FBXO42: variants seen among roughly 807,000 people sequenced by gnomAD.
FBXO42 encodes the protein F-box protein 42.
In FBXO42, 12 loss-of-function variants were observed where a neutral mutation model predicts 71.7. The observed-to-expected ratio is 0.17, with a 90% CI of 0.11 to 0.27. The LOEUF (loss-of-function observed/expected upper bound fraction) is 0.27. Among genes scored for constraint, FBXO42 ranks in the 10% least tolerant of loss-of-function variants. The pLI, the probability that FBXO42 is intolerant of heterozygous loss-of-function variation, is 1.00. For missense variants in FBXO42, 707 were observed against 911.9 expected (o/e 0.78, Z 2.89); for synonymous variants, 325 against 327.5 (o/e 0.99, Z 0.08).
At position 16,286,927 on chromosome 1, in the gene FBXO42, C is replaced by T. The variant is rs1396154924; in HGVS notation, c.502+7856G>A. Among the ~76,000 whole-genome samples the T allele has an allele frequency of 2.0e-5, 3 of 152,178 alleles. No individual in the cohort carries two copies. In the East Asian group the frequency reaches 5.8e-4, roughly 29 times the overall value. ...CTCTATCAAATCCACCCAGTTCTTA[C>T]CTTTTGTGAATACTTTACTCCAAGT... On this transcript the variant is annotated intron_variant, in intron 4 of 9. Transcript: ENST00000375592.
At chr1:16,264,420 A>C (rs2081750051) in intron 4 of FBXO42, among the ~76,000 whole-genome samples, 1 of 152,228 alleles carries the variant, frequency 6.6e-6, no homozygotes, top group Admixed American at 6.5e-5. Context: ...TTTTATACTC[A>C]TTAGGACATT....
At chr1:16,305,014 A>G (rs1322815062) in intron 3 of FBXO42, among the ~76,000 whole-genome samples, 1 of 152,170 alleles carries the variant, frequency 6.6e-6, no homozygotes, top group African/African-American at 2.4e-5. Context: ...TGCCTACAAT[A>G]TATTTAGGCT....
At chr1:16,340,633 G>A (rs1206924468) in intron 1 of FBXO42, among the ~76,000 whole-genome samples, 3 of 151,976 alleles carry the variant, frequency 2.0e-5, no homozygotes, top group Non-Finnish European at 4.4e-5. Flanking sequence ...CTCTACTGAG[G>A]GTTAGGGTTT....
chr1:16,348,113 T>C (rs1415331437), intron 1 of FBXO42, among the ~76,000 whole-genome samples: 1 of 152,166 alleles, frequency 6.6e-6, no homozygotes, highest in African/African-American at 2.4e-5. Context: ...TCCTTGTACA[T>C]GTAGCAAGCT....
chr1:16,253,791 G>C, intron 6 of FBXO42, 60 bp from the exon 7 acceptor site: 3 of 1,475,764 alleles, frequency 2.0e-6, no homozygotes, highest in Non-Finnish European at 2.8e-6. Flanking sequence ...CATAATGGTG[G>C]CTGGGGAGTT....
chr1:16,282,249 A>G (rs1298557869), intron 4 of FBXO42, among the ~76,000 whole-genome samples: 1 of 147,332 alleles, frequency 6.8e-6, no homozygotes, highest in Non-Finnish European at 1.5e-5. Flanking sequence ...TTTTTGAGAC[A>G]GAGTCTCACT....
chr1:16,272,459 A>G (rs1198563621), intron 4 of FBXO42, among the ~76,000 whole-genome samples: 1 of 152,032 alleles, frequency 6.6e-6, no homozygotes, highest in African/African-American at 2.4e-5. Flanking sequence ...GGGTTTCACC[A>G]TGTTAGTCAG....
chr1:16,335,314 A>G (rs1474259229), intron 1 of FBXO42, among the ~76,000 whole-genome samples: 1 of 151,896 alleles, frequency 6.6e-6, no homozygotes, highest in East Asian at 1.9e-4. Flanking sequence ...TAATTTTTTT[A>G]TTTTGTAGAG....
chr1:16,278,434 A>G (rs950585263), intron 4 of FBXO42, among the ~76,000 whole-genome samples: 1 of 151,962 alleles, frequency 6.6e-6, no homozygotes, highest in Non-Finnish European at 1.5e-5. Context: ...TTGGGACCTG[A>G]GCCAAAGGAT....
At chr1:16,254,548 C>G (rs999870503) in intron 6 of FBXO42, among the ~76,000 whole-genome samples, 2 of 152,190 alleles carry the variant, frequency 1.3e-5, no homozygotes, top group African/African-American at 4.8e-5. Context: ...GATTCACCCA[C>G]AAAAATACAG....
At chr1:16,347,114 T>C (rs1360272474) in intron 1 of FBXO42, among the ~76,000 whole-genome samples, 2 of 152,146 alleles carry the variant, frequency 1.3e-5, no homozygotes, top group East Asian at 3.8e-4. Flanking sequence ...CAGATTTATA[T>C]AGTGTACATA....
At chr1:16,319,976 T>C (rs1216667930) in intron 1 of FBXO42, among the ~76,000 whole-genome samples, 7 of 149,300 alleles carry the variant, frequency 4.7e-5, no homozygotes, top group Admixed American at 4.0e-4. Flanking sequence ...CATGCTCACG[T>C]GGGTAAGGTG....
intron 4 of FBXO42, among the ~76,000 whole-genome samples, chr1:16,275,533 C>T (rs1012790806): frequency 6.6e-6 from 1 of 151,872 alleles, no homozygotes; most frequent in Non-Finnish European, 1.5e-5. Context: ...GCAGGAGGAT[C>T]GCTTGAGCCC....
intron 1 of FBXO42, among the ~76,000 whole-genome samples, chr1:16,348,298 A>T (rs1043759045): frequency 1.3e-5 from 2 of 152,304 alleles, no homozygotes; most frequent in Non-Finnish European, 2.9e-5. Context: ...AACACGCTAA[A>T]TTAATTGTAC....
intron 4 of FBXO42, among the ~76,000 whole-genome samples, chr1:16,278,579 GT>G (rs935631255): frequency 6.6e-6 from 1 of 152,000 alleles, no homozygotes; most frequent in Non-Finnish European, 1.5e-5. Flanking sequence ...AGACTCCCTT[GT>G]TTAGACATTT....
chr1:16,344,664 C>T (rs2082639818), intron 1 of FBXO42, among the ~76,000 whole-genome samples: 2 of 151,932 alleles, frequency 1.3e-5, no homozygotes, highest in African/African-American at 2.4e-5. Context: ...CCTTCTTATA[C>T]ATACATAGGA....
intron 3 of FBXO42, among the ~76,000 whole-genome samples, chr1:16,300,652 G>A (rs919218548): frequency 3.3e-5 from 5 of 152,104 alleles, no homozygotes; most frequent in South Asian, 4.1e-4. Context: ...CTCTAATTAC[G>A]TAACTATGAA....
chr1:16,347,570 T>G (rs992939301), intron 1 of FBXO42, among the ~76,000 whole-genome samples: 1 of 152,012 alleles, frequency 6.6e-6, no homozygotes, highest in African/African-American at 2.4e-5. Context: ...AGTAGAAATT[T>G]CAGGCAGGGC....
chr1:16,349,398 G>A (rs1213899173), intron 1 of FBXO42, among the ~76,000 whole-genome samples: 1 of 152,082 alleles, frequency 6.6e-6, no homozygotes, highest in Non-Finnish European at 1.5e-5. Context: ...CAAAACACCC[G>A]CCATATGGAG....
Sources: allele counts gnomAD v4.1 joint callset (sites outside exome capture counted in the v4.1 genomes callset), GRCh38; gene constraint gnomAD v4.1.1; transcripts MANE v1.5; gene names NCBI Gene and HGNC (gene_info 2026-07-23, HGNC 2026-07-21).